The following PACRG variants were observed in gnomAD, a reference collection of about 807,000 sequenced individuals.
The protein encoded by PACRG is parkin coregulated, also known as parkin coregulated gene protein.
PACRG carries 29 observed loss-of-function variants against 29.7 expected under a neutral mutation model. The ratio of observed to expected loss-of-function variants is 0.98; its 90% confidence interval spans 0.73 to 1.33. The LOEUF (loss-of-function observed/expected upper bound fraction) is 1.33, where lower values mean the gene tolerates loss of function less well. Among genes scored for constraint, PACRG ranks in the 40% most tolerant of loss-of-function variants. The pLI is 0.00. For missense variants in PACRG, 279 were observed against 316.2 expected (o/e 0.88, Z 0.89); for synonymous variants, 116 against 118.7 (o/e 0.98, Z 0.15).
chr6:162,997,386 C>T, intron 2 of PACRG: 1 of 453,704 alleles, frequency 2.2e-6, no homozygotes, highest in South Asian at 1.6e-5. Context: ...ACCAGCAACA[C>T]TTATTTACCT....
At chr6:162,948,830 A>G (rs1207051238) in intron 2 of PACRG, among the ~76,000 whole-genome samples, 2 of 152,152 alleles carry the variant, frequency 1.3e-5, no homozygotes, top group African/African-American at 2.4e-5. Flanking sequence ...CAAAACCACA[A>G]TAAAAATATC....
rs9456808 is a variant in PACRG, at chr6:162,750,005, A to G, written c.156+21614A>G. Among the ~76,000 whole-genome samples, 445 of 152,224 alleles carry G rather than the reference A, an allele frequency of 2.9e-3. 11 individuals are homozygous for G. The highest frequency in any genetic ancestry group is 3.8e-3 in the Non-Finnish European group (258 of 67,998). On this transcript the variant is annotated intron_variant, in intron 1 of 4. Transcript: ENST00000366888. Reference sequence around the variant, plus strand: ...CCCCATAATTTTTCCACTCATGTATATTTACATTTGCATTCACTGTCTCCA... The same window carrying G: ...CCCCATAATTTTTCCACTCATGTATGTTTACATTTGCATTCACTGTCTCCA...
At chr6:163,123,334 C>T (rs1254626403) in intron 4 of PACRG, among the ~76,000 whole-genome samples, 1 of 152,228 alleles carries the variant, frequency 6.6e-6, no homozygotes, top group Non-Finnish European at 1.5e-5. Context: ...AGGGCGGGAA[C>T]CGCCATGTCG....
intron 4 of PACRG, among the ~76,000 whole-genome samples, chr6:163,259,948 G>A (rs531268392): frequency 6.6e-6 from 1 of 152,260 alleles, no homozygotes; most frequent in Non-Finnish European, 1.5e-5. Flanking sequence ...GCTAAGGTCC[G>A]GTCCTCTGAT....
intron 4 of PACRG, among the ~76,000 whole-genome samples, chr6:163,272,451 T>C (rs905138213): frequency 3.3e-5 from 5 of 152,222 alleles, no homozygotes; most frequent in African/African-American, 1.2e-4. Context: ...AATGTGACTA[T>C]ATTACCTTCT....
At chr6:163,218,269 A>G (rs910252261) in intron 4 of PACRG, among the ~76,000 whole-genome samples, 3 of 152,210 alleles carry the variant, frequency 2.0e-5, no homozygotes, top group African/African-American at 4.8e-5. Flanking sequence ...CTGTGCAGTT[A>G]TCTAACACAG....
chr6:162,978,445 C>G (rs1802138408), intron 2 of PACRG, among the ~76,000 whole-genome samples: 1 of 150,096 alleles, frequency 6.7e-6, no homozygotes, highest in African/African-American at 2.4e-5. Flanking sequence ...GTCTCTCTAT[C>G]TCTGTCTGCC....
At chr6:163,053,617 A>G (rs1810255977) in intron 2 of PACRG, among the ~76,000 whole-genome samples, 1 of 152,228 alleles carries the variant, frequency 6.6e-6, no homozygotes, top group African/African-American at 2.4e-5. Flanking sequence ...CTTGTCTATT[A>G]TAATAGTCAT....
chr6:162,758,938 C>T (rs772326220), intron 1 of PACRG, among the ~76,000 whole-genome samples: 9 of 152,068 alleles, frequency 5.9e-5, no homozygotes, highest in Non-Finnish European at 1.2e-4. Flanking sequence ...ATGATTTTGA[C>T]CCACTATATA....
chr6:162,974,344 T>G (rs765390376), intron 2 of PACRG, among the ~76,000 whole-genome samples: 1 of 152,128 alleles, frequency 6.6e-6, no homozygotes. Flanking sequence ...CCCAAGTAAA[T>G]TGGGCAAAAT....
At chr6:162,938,528 G>A (rs968812153) in intron 2 of PACRG, among the ~76,000 whole-genome samples, 21 of 152,092 alleles carry the variant, frequency 1.4e-4, no homozygotes, top group Admixed American at 1.4e-3. Context: ...TAGTGGGATT[G>A]CTGGATCAAA....
chr6:162,870,246 C>T (rs1260512083), intron 2 of PACRG, among the ~76,000 whole-genome samples: 3 of 152,162 alleles, frequency 2.0e-5, no homozygotes, highest in Non-Finnish European at 2.9e-5. Flanking sequence ...TTAATGATTA[C>T]CAAGCGTTCA....
At chr6:163,045,804 C>T (rs1013710304) in intron 2 of PACRG, among the ~76,000 whole-genome samples, 5 of 150,196 alleles carry the variant, frequency 3.3e-5, no homozygotes, top group East Asian at 4.0e-4. Flanking sequence ...TTAGTAGAGA[C>T]GGGGTTTCAC....
chr6:163,097,824 A>G (rs1814739739), intron 4 of PACRG, among the ~76,000 whole-genome samples: 1 of 152,196 alleles, frequency 6.6e-6, no homozygotes, highest in South Asian at 2.1e-4. Flanking sequence ...ATGAAGTCTC[A>G]TAGGTGGTAC....
chr6:163,009,558 G>T (rs905916345), intron 2 of PACRG, among the ~76,000 whole-genome samples: 7 of 152,114 alleles, frequency 4.6e-5, no homozygotes, highest in Non-Finnish European at 1.0e-4. Context: ...AAAAGATTTG[G>T]TTTACTTTCC....
At chr6:163,253,159 G>C (rs1782974098) in intron 4 of PACRG, among the ~76,000 whole-genome samples, 2 of 151,986 alleles carry the variant, frequency 1.3e-5, no homozygotes, top group South Asian at 2.1e-4. Context: ...AATTAGCCAG[G>C]CATGGTGGCG....
intron 2 of PACRG, among the ~76,000 whole-genome samples, chr6:162,970,969 A>G (rs1171532938): frequency 6.6e-6 from 1 of 152,194 alleles, no homozygotes; most frequent in Admixed American, 6.5e-5. Context: ...TCCCCATACT[A>G]AAAACGAGAT....
chr6:162,861,212 G>A (rs772045268), intron 2 of PACRG, among the ~76,000 whole-genome samples: 6 of 152,180 alleles, frequency 3.9e-5, no homozygotes, highest in Non-Finnish European at 8.8e-5. Context: ...TAGAACCTGA[G>A]AGGGTTAATA....
intron 2 of PACRG, among the ~76,000 whole-genome samples, chr6:163,017,973 C>T (rs1244153811): frequency 2.0e-5 from 3 of 152,040 alleles, no homozygotes; most frequent in Non-Finnish European, 2.9e-5. Context: ...ACATGGCATC[C>T]ATTTACTCCA....
Sources: gnomAD v4.1 joint callset for allele counts (sites outside exome capture counted in the v4.1 genomes callset) on GRCh38, gnomAD v4.1.1 for gene constraint, MANE v1.5 for transcripts, NCBI Gene and HGNC (gene_info 2026-07-23, HGNC 2026-07-21) for gene names.